TNFSF13B: variants seen among roughly 807,000 people sequenced by gnomAD.
TNFSF13B encodes tumor necrosis factor ligand superfamily member 13B.
A neutral mutation model predicts 29.1 loss-of-function variants in TNFSF13B; 8 were observed. The observed-to-expected ratio is 0.27, with a 90% confidence interval of 0.16 to 0.50. The LOEUF (loss-of-function observed/expected upper bound fraction) is 0.50. Among genes scored for constraint, TNFSF13B ranks in the 20% least tolerant of loss-of-function variants. The pLI, the probability that TNFSF13B is intolerant of heterozygous loss-of-function variation, is 0.98. For synonymous variants in TNFSF13B, 125 were observed against 130.8 expected (o/e 0.96, Z 0.30); for missense variants, 248 against 334.9 (o/e 0.74, Z 2.03).
rs187142281 is a variant in TNFSF13B, at chr13:108,271,379, A to G, written c.424+955A>G. Among the ~76,000 whole-genome samples the G allele has an allele frequency of 5.1e-4, 78 of 151,666 alleles. 1 individual carries two copies. The highest frequency in any genetic ancestry group is 1.8e-3 in the African/African-American group (74 of 41,382). ...ACAGAATACATGCAATAATTTATGT[A>G]TATTTTCACTTCTGAAGAGAATTGC... On this transcript the variant is annotated intron_variant, in intron 2 of 5. Coordinates refer to ENST00000375887, the MANE Select transcript of TNFSF13B (RefSeq NM_006573.5).
intron 2 of TNFSF13B, among the ~76,000 whole-genome samples, chr13:108,285,192 T>C (rs1420161611): frequency 1.1e-5 from 1 of 88,260 alleles, no homozygotes; most frequent in Non-Finnish European, 2.2e-5. Flanking sequence ...TTTAACAATA[T>C]ATTTTCATCT....
chr13:108,307,016 CAAAAAAAAAAAAAA>C lies in TNFSF13B; in HGVS notation c.*96_*109del, dbSNP rs58093140. ...GAAGAAAGAATCTAACTGAAAATACCAAAAAAAAAAAAAAAAAAAAAAAAAAAAAAAGTAGTTAC... is the reference window on the plus strand; with the variant it reads ...GAAGAAAGAATCTAACTGAAAATACCAAAAAAAAAAAAAAAAAGTAGTTAC... On this transcript the variant is annotated 3_prime_UTR_variant, in exon 6 of 6. Transcript: ENST00000375887. 2,793 of 76,416 alleles carry C rather than the reference CAAAAAAAAAAAAAA, an allele frequency of 0.037. 5 individuals are homozygous for C. Among genetic ancestry groups the C allele is most frequent in the East Asian group, 0.11 (502 of 4,554 alleles). 4.7% of individuals were successfully genotyped at this position (76,416 alleles called of 1,614,324 possible).
Position 108,303,543 on chromosome 13 carries a change from T to A in TNFSF13B, c.684T>A (p.Thr228=), listed in dbSNP as rs904147648. The A allele has an allele frequency of 6.2e-7, 1 of 1,613,812 alleles. No homozygotes were observed. ...HVFGDELSLV[T]LFRCIQNMPE... ...TTGGGGATGAATTGAGTCTGGTGACTTTGTTTCGATGTATTCAAAATATGC... is the reference window on the plus strand; with the variant it reads ...TTGGGGATGAATTGAGTCTGGTGACATTGTTTCGATGTATTCAAAATATGC... Residue 228 remains threonine, a synonymous_variant, in exon 5 of 6, where the codon ACT becomes ACA. Transcript: ENST00000375887.
intron 2 of TNFSF13B, among the ~76,000 whole-genome samples, chr13:108,281,489 A>G (rs906685899): frequency 7.9e-5 from 12 of 152,180 alleles, no homozygotes; most frequent in African/African-American, 1.2e-4. Flanking sequence ...GCATTTACAT[A>G]ACTGCATTTG....
Position 108,269,805 on chromosome 13 carries a change from A to G in TNFSF13B, c.-91A>G. Reference sequence around the variant, plus strand: ...CCAAGCCCTGCCATGTAGTGCACGCAGGACATCAACAAACACAGATAACAG... The same window carrying G: ...CCAAGCCCTGCCATGTAGTGCACGCGGGACATCAACAAACACAGATAACAG... On this transcript the variant is annotated 5_prime_UTR_variant, in exon 1 of 6. Coordinates refer to ENST00000375887, the MANE Select transcript of TNFSF13B (RefSeq NM_006573.5). 2 of 1,237,618 alleles carry G rather than the reference A, an allele frequency of 1.6e-6. No homozygotes were observed. The highest frequency in any genetic ancestry group is 1.4e-5 in the South Asian group (1 of 70,410). 76.7% of individuals were successfully genotyped at this position (1,237,618 alleles called of 1,614,324 possible).
At chr13:108,281,755 C>A (rs1219796334) in intron 2 of TNFSF13B, among the ~76,000 whole-genome samples, 1 of 152,174 alleles carries the variant, frequency 6.6e-6, no homozygotes, top group Non-Finnish European at 1.5e-5. Context: ...AAGTAAGCAA[C>A]CAAAGCAAAC....
intron 2 of TNFSF13B, among the ~76,000 whole-genome samples, chr13:108,270,986 C>G (rs1880598206): frequency 6.6e-6 from 1 of 151,386 alleles, no homozygotes; most frequent in Admixed American, 6.6e-5. Context: ...GACACACACA[C>G]AGATTTTAAA....
chr13:108,275,849 A>G (rs1323342270), intron 2 of TNFSF13B, among the ~76,000 whole-genome samples: 1 of 152,226 alleles, frequency 6.6e-6, no homozygotes, highest in East Asian at 1.9e-4. Flanking sequence ...TTTTTCTACT[A>G]ATGATTTTAT....
Position 108,286,070 on chromosome 13 carries a change from G to T in TNFSF13B, c.425-733G>T, listed in dbSNP as rs115086091. Among the ~76,000 whole-genome samples, 1,113 of 152,326 alleles carry T rather than the reference G, an allele frequency of 7.3e-3. 11 individuals carry two copies. The highest frequency in any genetic ancestry group is 0.026 in the African/African-American group (1,069 of 41,582). On this transcript the variant is annotated intron_variant, in intron 2 of 5. Transcript: ENST00000375887. ...GAAGCTTTACTAACTATATGCACTTGCATGGAAGTCTTCCATTTTATTTGT... is the reference window on the plus strand; with the variant it reads ...GAAGCTTTACTAACTATATGCACTTTCATGGAAGTCTTCCATTTTATTTGT...
chr13:108,271,501 C>A (rs141892006), intron 2 of TNFSF13B, among the ~76,000 whole-genome samples: 2 of 149,368 alleles, frequency 1.3e-5, no homozygotes, highest in Non-Finnish European at 3.0e-5. Context: ...CATGAGGTAC[C>A]CTGACTATAA....
intron 3 of TNFSF13B, among the ~76,000 whole-genome samples, chr13:108,291,602 C>A (rs1323927530): frequency 6.6e-6 from 1 of 151,668 alleles, no homozygotes; most frequent in Admixed American, 6.6e-5. Context: ...GAAATGTTTT[C>A]TTTTATTTTT....
intron 3 of TNFSF13B, among the ~76,000 whole-genome samples, chr13:108,288,884 C>CA (rs1881221057): frequency 6.6e-6 from 1 of 152,142 alleles, no homozygotes; most frequent in Non-Finnish European, 1.5e-5. Context: ...AACACTAGCA[C>CA]AGATGATGAA....
intron 3 of TNFSF13B, among the ~76,000 whole-genome samples, chr13:108,289,669 T>C (rs929509143): frequency 1.3e-5 from 2 of 149,424 alleles, no homozygotes; most frequent in Non-Finnish European, 3.0e-5. Flanking sequence ...ATTGTATATA[T>C]TATCTTATTG....
intron 3 of TNFSF13B, among the ~76,000 whole-genome samples, chr13:108,302,610 G>C (rs935790253): frequency 6.6e-6 from 1 of 152,140 alleles, no homozygotes; most frequent in Non-Finnish European, 1.5e-5. Context: ...GAGCACAGTG[G>C]TCTCCTTGTC....
At chr13:108,299,768 A>T (rs1286791290) in intron 3 of TNFSF13B, among the ~76,000 whole-genome samples, 1 of 152,092 alleles carries the variant, frequency 6.6e-6, no homozygotes, top group East Asian at 1.9e-4. Context: ...AGGTATGTGG[A>T]TGTGCGTATG....
chr13:108,303,316 A>G lies in TNFSF13B; in HGVS notation c.545A>G (p.Glu182Gly). 1 of 1,613,600 alleles carries G rather than the reference A, an allele frequency of 6.2e-7. No individual in the cohort carries two copies. Among genetic ancestry groups the G allele is most frequent in the South Asian group, 1.1e-5 (1 of 91,048 alleles). Residue 182 changes from glutamate to glycine, a missense_variant, in exon 4 of 6, where the codon GAG (glutamate) becomes GGG (glycine). Transcript: ENST00000375887. ...FKRGSALEEKENKILVKETGY... is the reference protein window; with the variant it reads ...FKRGSALEEKGNKILVKETGY... The stretch of plus-strand genomic sequence containing the variant: ...AGGGGAAGTGCCCTAGAAGAAAAAG[A>G]GAATAAAATATTGGTCAAAGAAACT...
chr13:108,273,772 G>T (rs1345011150), intron 2 of TNFSF13B, among the ~76,000 whole-genome samples: 1 of 152,032 alleles, frequency 6.6e-6, no homozygotes, highest in Non-Finnish European at 1.5e-5. Flanking sequence ...AACACCATGA[G>T]ACCTATAGAA....
At chr13:108,274,366 AAT>A (rs10583801) in intron 2 of TNFSF13B, among the ~76,000 whole-genome samples, 107,488 of 149,052 alleles carry the variant, frequency 0.72, 39,461 homozygotes, top group Non-Finnish European at 0.8. Flanking sequence ...TACACATACA[AAT>A]ATATATATAT....
intron 2 of TNFSF13B, among the ~76,000 whole-genome samples, chr13:108,285,261 G>A (rs1881093421): frequency 6.6e-6 from 1 of 152,224 alleles, no homozygotes; most frequent in African/African-American, 2.4e-5. Flanking sequence ...TTAATAGTAT[G>A]TATTTATACA....
Sources: allele counts gnomAD v4.1 joint callset (sites outside exome capture counted in the v4.1 genomes callset), GRCh38; gene constraint gnomAD v4.1.1; transcripts MANE v1.5; gene names NCBI Gene and HGNC (gene_info 2026-07-23, HGNC 2026-07-21).